Variants in ETF1 observed in about 807,000 individuals in gnomAD.
ETF1 encodes the protein eukaryotic translation termination factor 1, also known as eukaryotic peptide chain release factor subunit 1.
A neutral mutation model predicts 55.1 loss-of-function variants in ETF1; 4 were observed. That is an observed-to-expected ratio of 0.07 (90% CI 0.04 to 0.17). The LOEUF (loss-of-function observed/expected upper bound fraction) is 0.17. ETF1 is among the 10% of genes least tolerant of loss of function. The pLI is 1.00. For missense variants in ETF1, 142 were observed against 523.6 expected (o/e 0.27, Z 7.11); for synonymous variants, 157 against 182.3 (o/e 0.86, Z 1.12).
intron 2 of ETF1, 146 bp downstream of exon 2, chr5:138,542,687 T>C: frequency 6.8e-7 from 1 of 1,463,926 alleles, no homozygotes. Flanking sequence ...CCCTCGCCCC[T>C]GGGTCAGGGG....
Position 138,508,145 on chromosome 5 carries a change from GTT to G in ETF1, c.*158_*159del. The G allele has an allele frequency of 2.2e-6, 2 of 928,356 alleles. No individual in the cohort carries two copies. The highest frequency in any genetic ancestry group is 3.1e-6 in the Non-Finnish European group (2 of 642,244). The allele number at this position is 928,356 out of a possible 1,614,324, so 57.5% of individuals were successfully genotyped here. On this transcript the variant is annotated 3_prime_UTR_variant, in exon 11 of 11. Coordinates refer to ENST00000360541, the MANE Select transcript of ETF1 (RefSeq NM_004730.4). The stretch of plus-strand genomic sequence containing the variant: ...AAACCAAAGTGTAGGGCTGGGTCTG[GTT>G]TTGTTTCGGTTTTCTTTTCAATATC...
chr5:138,508,568 C>G, intron 10 of ETF1, 101 bp downstream of exon 10: 1 of 1,564,378 alleles, frequency 6.4e-7, no homozygotes, highest in South Asian at 1.2e-5. Flanking sequence ...CCTATCCCAG[C>G]AGATAATAAG....
intron 3 of ETF1, chr5:138,517,997 T>C (rs1581028269): frequency 2.3e-6 from 1 of 442,820 alleles, no homozygotes; most frequent in African/African-American, 2.1e-5. Flanking sequence ...ACGTCAGGAA[T>C]TCAAGACCAA....
chr5:138,515,018 A>C (rs1289648018), intron 4 of ETF1, among the ~76,000 whole-genome samples: 1 of 152,186 alleles, frequency 6.6e-6, no homozygotes. Context: ...GTGAGCCACA[A>C]CACCTGGCCT....
At chr5:138,529,690 A>G in intron 2 of ETF1, 4 of 984,868 alleles carry the variant, frequency 4.1e-6, no homozygotes, top group Non-Finnish European at 4.8e-6. Context: ...TGAAAAATCA[A>G]ACAGGTGAAA....
intron 2 of ETF1, among the ~76,000 whole-genome samples, chr5:138,537,798 T>C (rs1018503291): frequency 4.0e-5 from 6 of 151,692 alleles, no homozygotes; most frequent in African/African-American, 1.5e-4. Flanking sequence ...GCCAGGATGG[T>C]CTCGATCTCC....
chr5:138,509,471 CA>C (rs1764678145), intron 9 of ETF1, among the ~76,000 whole-genome samples: 1 of 152,126 alleles, frequency 6.6e-6, no homozygotes, highest in African/African-American at 2.4e-5. Flanking sequence ...AACAAACAAA[CA>C]AAAACCAGGC....
At chr5:138,541,518 C>T in intron 2 of ETF1, 1 of 1,532,348 alleles carries the variant, frequency 6.5e-7, no homozygotes, top group Non-Finnish European at 8.7e-7. Flanking sequence ...GTAAAACCAA[C>T]CTGTGAATTG....
At chr5:138,521,837 TA>T (rs1177836730) in intron 2 of ETF1, among the ~76,000 whole-genome samples, 3 of 152,210 alleles carry the variant, frequency 2.0e-5, no homozygotes, top group African/African-American at 7.2e-5. Context: ...GCCTGTAAGT[TA>T]AAATTTTTTA....
chr5:138,537,513 T>C (rs1765986689), intron 2 of ETF1, among the ~76,000 whole-genome samples: 2 of 152,204 alleles, frequency 1.3e-5, no homozygotes, highest in Admixed American at 6.5e-5. Context: ...TTGTTCTATA[T>C]TCATCTCTTC....
chr5:138,515,899 T>C (rs1054529028), intron 4 of ETF1, among the ~76,000 whole-genome samples: 1 of 152,184 alleles, frequency 6.6e-6, no homozygotes, highest in Non-Finnish European at 1.5e-5. Flanking sequence ...GATCCAACTA[T>C]AAATGGACTT....
intron 2 of ETF1, among the ~76,000 whole-genome samples, chr5:138,522,455 T>C (rs1765270840): frequency 6.6e-6 from 1 of 151,654 alleles, no homozygotes; most frequent in African/African-American, 2.4e-5. Flanking sequence ...TCCTTAGGAG[T>C]TTAAACACAG....
At chr5:138,542,333 C>A (rs1766213801) in intron 2 of ETF1, among the ~76,000 whole-genome samples, 1 of 152,146 alleles carries the variant, frequency 6.6e-6, no homozygotes, top group South Asian at 2.1e-4. Context: ...AGAAGCTGTC[C>A]CTGGCCACCT....
At chr5:138,524,777 C>T (rs1397531162) in intron 2 of ETF1, among the ~76,000 whole-genome samples, 1 of 151,724 alleles carries the variant, frequency 6.6e-6, no homozygotes, top group Non-Finnish European at 1.5e-5. Context: ...GGGGTTTCAC[C>T]ATGTTGGCCA....
At chr5:138,520,935 CAAAA>C (rs968793284) in intron 2 of ETF1, among the ~76,000 whole-genome samples, 1 of 147,768 alleles carries the variant, frequency 6.8e-6, no homozygotes, top group African/African-American at 2.5e-5. Context: ...GTAGCTCTTC[CAAAA>C]AAAAAAATTT....
rs370515264 is a variant in ETF1, at chr5:138,538,810, T to C, written c.86+4023A>G. ...AACATACCTTAATTTATTCAAAGTA[T>C]ATAAATTAAGCAATCTGTTCATATT... On this transcript the variant is annotated intron_variant, in intron 2 of 10. Transcript: ENST00000360541. Among the ~76,000 whole-genome samples the C allele has an allele frequency of 1.5e-3, 222 of 152,364 alleles. 2 individuals are homozygous for C. In the South Asian group the frequency reaches 0.022, roughly 15 times the overall value.
intron 2 of ETF1, among the ~76,000 whole-genome samples, chr5:138,522,234 T>G (rs1288097678): frequency 1.3e-5 from 2 of 152,076 alleles, no homozygotes; most frequent in African/African-American, 4.8e-5. Context: ...AGAAAATATA[T>G]GCAAATCATA....
intron 2 of ETF1, among the ~76,000 whole-genome samples, chr5:138,529,200 C>T (rs1402815503): frequency 6.6e-6 from 1 of 152,050 alleles, no homozygotes; most frequent in African/African-American, 2.4e-5. Context: ...AGCAGATTAA[C>T]GTTTTTCCAG....
At chr5:138,541,592 G>A (rs769112863) in intron 2 of ETF1, 21 of 1,530,844 alleles carry the variant, frequency 1.4e-5, no homozygotes, top group South Asian at 1.1e-4. Context: ...GCTTGGAGGG[G>A]CTGTCATTCT....
Sources: gnomAD v4.1 joint callset for allele counts (sites outside exome capture counted in the v4.1 genomes callset) on GRCh38, gnomAD v4.1.1 for gene constraint, MANE v1.5 for transcripts, NCBI Gene and HGNC (gene_info 2026-07-23, HGNC 2026-07-21) for gene names.